DSPP: variants seen among roughly 807,000 people sequenced by gnomAD.
DSPP encodes the protein dentin sialophosphoprotein, also known as deafness, autosomal dominant 39.
In DSPP, 28 loss-of-function variants were observed where a neutral mutation model predicts 29.1. The observed-to-expected ratio is 0.96, with a 90% confidence interval of 0.71 to 1.32. The LOEUF (loss-of-function observed/expected upper bound fraction) is 1.32, where lower values mean the gene tolerates loss of function less well. Among genes scored for constraint, DSPP ranks in the 40% most tolerant of loss-of-function variants. The pLI is 0.00. For missense variants in DSPP, 1,281 were observed against 1,629.9 expected (o/e 0.79, Z 3.69); for synonymous variants, 481 against 503.4 (o/e 0.96, Z 0.60).
intron 2 of DSPP, 73 bp from the exon 3 acceptor site, chr4:87,612,032 T>C (rs1727743721): frequency 1.1e-5 from 14 of 1,260,372 alleles, no homozygotes; most frequent in Non-Finnish European, 1.5e-5. Flanking sequence ...TGTGTGTGTG[T>C]GTGTGTGTGC....
At position 87,615,911 on chromosome 4, in the gene DSPP, A is replaced by T. The variant is rs142295724; in HGVS notation, c.3249A>T (p.Glu1083Asp). Residue 1083 changes from glutamate to aspartate, a missense_variant, in exon 5 of 5, where the codon GAA (glutamate) becomes GAT (aspartate). By Grantham distance (45) the Glu-to-Asp change is conservative. Transcript: ENST00000651931. ...SDSSDSSDSS[E>D]SSDSSDSSNS... ...GCAGCGACAGCAGTGATAGCAGTGA[A>T]AGCAGTGATAGCAGTGACAGCAGCA... 46 of 479,166 alleles carry T rather than the reference A, an allele frequency of 9.6e-5. 1 individual carries two copies. Among genetic ancestry groups the T allele is most frequent in the African/African-American group, 4.6e-4 (13 of 28,460 alleles). The allele number at this position is 479,166 out of a possible 1,614,324, so 29.7% of individuals were successfully genotyped here.
At chr4:87,609,627 C>T (rs1296864045) in intron 1 of DSPP, among the ~76,000 whole-genome samples, 1 of 152,224 alleles carries the variant, frequency 6.6e-6, no homozygotes, top group East Asian at 1.9e-4. Flanking sequence ...ACTGTGTCAT[C>T]TCTCCTGTGA....
Position 87,613,868 on chromosome 4 carries a change from A to AGT in DSPP, c.1207_1208insTG (p.Gly403ValfsTer6). ...AAGGCAACGAAGGTAAAGAGGATAA[A>AGT]GGACAACATGGAATGATCTTGGGCA... On this transcript the variant is annotated frameshift_variant, in exon 5 of 5. Transcript: ENST00000651931. LOFTEE classifies it low-confidence loss of function (END_TRUNC). 2.5e-6 allele frequency: 4 copies of AGT among 1,614,240 alleles called. No homozygotes were observed. The highest frequency in any genetic ancestry group is 3.4e-6 in the Non-Finnish European group (4 of 1,180,028).
In DSPP at chr4:87,616,551, T is replaced by A; in HGVS notation, c.3889T>A (p.Ser1297Thr). The A allele has an allele frequency of 6.4e-7, 1 of 1,551,742 alleles. No homozygotes were observed. Among genetic ancestry groups the A allele is most frequent in the Non-Finnish European group, 8.7e-7 (1 of 1,146,984 alleles). ...CAGTGAAGGCAGTGACAGTAACCAC[T>A]CAACCAGTGATGATTAGAACAAAAG... is the stretch of plus-strand genomic sequence containing the variant. Reference protein sequence around the residue: ...SDSEGSDSNHSTSDD With the variant: ...SDSEGSDSNHTTSDD Residue 1297 changes from serine to threonine, a missense_variant, in exon 5 of 5, where the codon TCA (serine) becomes ACA (threonine). Ser to Thr is a moderately conservative substitution (Grantham distance 58). Around this residue, in one of 4 missense-constraint regions of DSPP, gnomAD observed 134 missense variants for 185.0 expected, o/e 0.72. Coordinates refer to ENST00000651931, the MANE Select transcript of DSPP (RefSeq NM_014208.3).
At chr4:87,611,009 C>T (rs370720258) in intron 2 of DSPP, 50 bp downstream of exon 2, 1 of 1,477,484 alleles carries the variant, frequency 6.8e-7, no homozygotes. Flanking sequence ...TCTTTTTTAA[C>T]CTAACATTAA....
At chr4:87,610,996 T>C in intron 2 of DSPP, 37 bp downstream of exon 2, 2 of 1,584,874 alleles carry the variant, frequency 1.3e-6, no homozygotes, top group East Asian at 2.2e-5. Flanking sequence ...CTTCACTTTG[T>C]TATCTTTTTT....
Position 87,612,894 on chromosome 4 carries a change from T to C in DSPP, c.708T>C (p.Asp236=), listed in dbSNP as rs61731010. 7.8e-3 allele frequency: 12,636 copies of C among 1,614,036 alleles called. 898 individuals are homozygous for C. The African/African-American group carries it at 0.15, about 19-fold the overall frequency. The change falls in exon 4 of 5, where the codon GAT becomes GAC. Residue 236 remains aspartate (D), a synonymous_variant. Transcript: ENST00000651931. ...EAEVTPGTGE[D]AGLDNSDGSP... ...AGGTAACACCAGGCACTGGAGAAGA[T>C]GCTGGCCTGGATAATTCCGATGGGA...
rs1420920612 is a variant in DSPP at position 87,615,110 on chromosome 4, T to C, written c.2448T>C (p.Ser816=). The change falls in exon 5 of 5, where the codon AGT becomes AGC. Residue 816 remains serine, a synonymous_variant. Coordinates refer to ENST00000651931, the MANE Select transcript of DSPP (RefSeq NM_014208.3). ...SSDSSDSSDS[S]DSDSSNSSDS... is the part of the protein sequence containing the mutation. ...ATAGCAGTGATAGCAGTGACAGCAG[T>C]GATAGCGACAGCAGCAATAGCAGTG... The C allele has an allele frequency of 2.6e-6, 4 of 1,548,088 alleles. No homozygotes were observed. Among genetic ancestry groups the C allele is most frequent in the South Asian group, 2.4e-5 (2 of 83,898 alleles).
In DSPP at chr4:87,614,773, GTAGTGACAGCAGTGA is replaced by G. The variant is rs1406190204; in HGVS notation, c.2131_2145del (p.Asp711_Ser715del). 4.7e-5 allele frequency: 73 copies of G among 1,551,446 alleles called. No individual in the cohort carries two copies. The highest frequency in any genetic ancestry group is 9.8e-5 in the East Asian group (4 of 40,916). On this transcript the variant is annotated inframe_deletion, in exon 5 of 5. Transcript: ENST00000651931. ...AGCAATAGCAGTGAGAGCAGTGATAGTAGTGACAGCAGTGATAGTGACAGCAGTGATAGTAGTGAC... is the reference window on the plus strand; with the variant it reads ...AGCAATAGCAGTGAGAGCAGTGATAGTAGTGACAGCAGTGATAGTAGTGAC...
chr4:87,614,857 G>A lies in DSPP; in HGVS notation c.2195G>A (p.Ser732Asn). Residue 732 changes from serine (S) to asparagine (N), a missense_variant, in exon 5 of 5, where the codon AGC becomes AAC. Around this residue, in one of 4 missense-constraint regions of DSPP, gnomAD observed 444 missense variants for 611.4 expected, o/e 0.73. Transcript: ENST00000651931. ...AGCGATAGTGACAGCAGCAACAGCA[G>A]CGATAGCAGTGACAGCAGCAACAGC... ...NSSDSDSSNS[S>N]DSSDSSNSSD... The A allele has an allele frequency of 6.4e-7, 1 of 1,550,934 alleles. No homozygotes were observed. The highest frequency in any genetic ancestry group is 8.7e-7 in the Non-Finnish European group (1 of 1,146,528).
chr4:87,613,018 AAGGGCCAGG>A lies in DSPP; in HGVS notation c.843_851del (p.Glu281_Gln283del), dbSNP rs777765572. The A allele has an allele frequency of 6.2e-7, 1 of 1,614,074 alleles. No individual in the cohort carries two copies. Among genetic ancestry groups the A allele is most frequent in the African/African-American group, 1.3e-5 (1 of 74,926 alleles). On this transcript the variant is annotated inframe_deletion, in exon 4 of 5. Transcript: ENST00000651931. ...TGGAAAAGACAGTAGTAATAACAGCAAGGGCCAGGAGGGCCAGGACCATGGGAAAGAAGA... is the reference window on the plus strand; with the variant it reads ...TGGAAAAGACAGTAGTAATAACAGCAAGGGCCAGGACCATGGGAAAGAAGA...
rs184197499 is a variant in DSPP at position 87,612,097 on chromosome 4, C to T, written c.52-8C>T. ...CCTTTTCAATAGCCAGTATTTTCTACTTGGCAGGTTCCTCAAAGCAAACCA... is the reference window on the plus strand; with the variant it reads ...CCTTTTCAATAGCCAGTATTTTCTATTTGGCAGGTTCCTCAAAGCAAACCA... On this transcript the variant is annotated splice_region_variant and splice_polypyrimidine_tract_variant and intron_variant, in intron 2 of 4. Coordinates refer to ENST00000651931, the MANE Select transcript of DSPP (RefSeq NM_014208.3). 2.7e-5 allele frequency: 44 copies of T among 1,613,086 alleles called. No homozygotes were observed. In the East Asian group the frequency reaches 2.9e-4, roughly 11 times the overall value.
intron 2 of DSPP, 21 bp from the exon 3 acceptor site, chr4:87,612,084 C>T (rs747752098): frequency 1.9e-6 from 3 of 1,610,670 alleles, no homozygotes; most frequent in Middle Eastern, 1.7e-4. Context: ...TTTTCAATAG[C>T]CAGTATTTTC....
intron 1 of DSPP, among the ~76,000 whole-genome samples, chr4:87,608,914 G>A (rs1161890414): frequency 6.6e-6 from 1 of 152,182 alleles, no homozygotes; most frequent in Admixed American, 6.5e-5. Flanking sequence ...GATAAAAAAT[G>A]AGATAACTCA....
intron 1 of DSPP, among the ~76,000 whole-genome samples, chr4:87,609,055 C>T: frequency 6.6e-6 from 1 of 152,206 alleles, no homozygotes; most frequent in South Asian, 2.1e-4. Context: ...ACTAATGATG[C>T]CAAATCTAAT....
Position 87,612,352 on chromosome 4 carries a change from G to T in DSPP, c.166G>T (p.Glu56Ter), listed in dbSNP as rs972753953. 6.2e-7 allele frequency: 1 copy of T among 1,613,966 alleles called. No homozygotes were observed. Among genetic ancestry groups the T allele is most frequent in the Non-Finnish European group, 8.5e-7 (1 of 1,179,986 alleles). ...DELNASGTIK[E>*]SGVLVHEGDR... is the part of the protein sequence containing the mutation. ...GTTAAATGCCAGTGGAACCATCAAAGAAAGTGGTGTCCTGGTGCATGAAGG... is the reference window on the plus strand; with the variant it reads ...GTTAAATGCCAGTGGAACCATCAAATAAAGTGGTGTCCTGGTGCATGAAGG... The change falls in exon 4 of 5, where the codon GAA becomes TAA. Residue 56 changes from glutamate to a stop codon, truncating the protein, a stop_gained. Transcript: ENST00000651931. LOFTEE classifies it high-confidence loss of function.
chr4:87,615,176 C>A lies in DSPP; in HGVS notation c.2514C>A (p.Ser838Arg), dbSNP rs1359440516. The A allele has an allele frequency of 4.6e-6, 7 of 1,511,032 alleles. No individual in the cohort carries two copies. Among genetic ancestry groups the A allele is most frequent in the Non-Finnish European group, 5.3e-6 (6 of 1,125,144 alleles). The allele number at this position is 1,511,032 out of a possible 1,614,324, so 93.6% of individuals were successfully genotyped here. A position where few individuals can be genotyped will look rare whatever the true frequency, so the allele number is the denominator to read the frequency against. The stretch of plus-strand genomic sequence containing the variant: ...GTGACAGCAGCGATAGCAGCAACAG[C>A]AGTGATAGCAGCGACAGCAGCGATA... ...NSSDSSDSSNSSDSSDSSDSS... is the reference protein window; with the variant it reads ...NSSDSSDSSNRSDSSDSSDSS... Residue 838 changes from serine to arginine, a missense_variant, in exon 5 of 5, where the codon AGC (serine) becomes AGA (arginine). Coordinates refer to ENST00000651931, the MANE Select transcript of DSPP (RefSeq NM_014208.3).
Position 87,614,510 on chromosome 4 carries a change from TAGTGACAGC to T in DSPP, c.1859_1867del (p.Ser620_Ser622del). ...GTGATAGCAGTGACAGTAGTGATAG[TAGTGACAGC>T]AGTGACAGCAAGTCAGACAGCAGCA... On this transcript the variant is annotated inframe_deletion, in exon 5 of 5. Coordinates refer to ENST00000651931, the MANE Select transcript of DSPP (RefSeq NM_014208.3). 1.9e-6 allele frequency: 3 copies of T among 1,550,006 alleles called. No homozygotes were observed. Among genetic ancestry groups the T allele is most frequent in the Non-Finnish European group, 2.6e-6 (3 of 1,146,522 alleles).
rs751202617 is a variant in DSPP, at chr4:87,616,232, TGACAGCAGC to T, written c.3582_3590del (p.Ser1229_Ser1231del). 8.5e-4 allele frequency: 1,047 copies of T among 1,235,768 alleles called. 70 individuals carry two copies. The African/African-American group carries it at 0.012, about 14-fold the overall frequency. 76.6% of individuals were successfully genotyped at this position (1,235,768 alleles called of 1,614,324 possible). On this transcript the variant is annotated inframe_deletion, in exon 5 of 5. Coordinates refer to ENST00000651931, the MANE Select transcript of DSPP (RefSeq NM_014208.3). ...ATAGCAGCGACAGCAGTGATAGCAG[TGACAGCAGC>T]GACAGCAGCGATAGCAGCGACAGCA...
Sources: gnomAD v4.1 joint callset for allele counts (sites outside exome capture counted in the v4.1 genomes callset) on GRCh38, gnomAD v4.1.1 for gene constraint, gnomAD v4.1.1 regional missense constraint, MANE v1.5 for transcripts, NCBI Gene and HGNC (gene_info 2026-07-23, HGNC 2026-07-21) for gene names.